The following EP400 variants were observed in gnomAD, a reference collection of about 807,000 sequenced individuals.
The protein encoded by EP400 is E1A-binding protein p400.
EP400 carries 105 observed loss-of-function variants against 354.1 expected under a neutral mutation model. The ratio of observed to expected loss-of-function variants is 0.30; its 90% CI spans 0.25 to 0.35. EP400 has a LOEUF of 0.35. Ranked by LOEUF, EP400 falls within the 10% of genes least tolerant of loss-of-function variation. EP400 has a pLI of 1.00. For missense variants in EP400, 3,280 were observed against 4,121.0 expected, an observed-to-expected ratio of 0.80 and a Z score of 5.59; for synonymous variants, 1,646 against 1,716.9, an observed-to-expected ratio of 0.96 and a Z score of 1.02.
rs1364995290 is a variant in EP400 at position 131,990,046 on chromosome 12, G to A, written c.2492G>A (p.Arg831Lys). 1.9e-6 allele frequency: 3 copies of A among 1,613,452 alleles called. No homozygotes were observed. The highest frequency in any genetic ancestry group is 8.5e-7 in the Non-Finnish European group (1 of 1,179,888). Residue 831 changes from arginine to lysine, a missense_variant, in exon 8 of 53, where the codon AGG becomes AAG. Around this residue, in one of 20 missense-constraint regions of EP400, gnomAD observed 800 missense variants for 840.0 expected, o/e 0.95. Transcript: ENST00000389561. The surrounding 1 kb of genome is among the most constrained non-coding windows in gnomAD (Gnocchi z 4.2). ...RGKKEEQSRLRRIAASTAREI... is the reference protein window; with the variant it reads ...RGKKEEQSRLKRIAASTAREI... The stretch of plus-strand genomic sequence containing the variant: ...AAGAAGGAAGAGCAGAGCAGACTGA[G>A]GCGGATAGCCGCCTCCACGGCCCGG...
intron 13 of EP400, among the ~76,000 whole-genome samples, chr12:132,005,900 A>G (rs895208266): frequency 1.3e-5 from 2 of 152,226 alleles, no homozygotes; most frequent in African/African-American, 4.8e-5. Flanking sequence ...AGGGCTTTCC[A>G]GAATGGTCCT....
At chr12:131,984,505 C>CA (rs1892788605) in intron 5 of EP400, among the ~76,000 whole-genome samples, 1 of 152,178 alleles carries the variant, frequency 6.6e-6, no homozygotes, top group Admixed American at 6.5e-5. Flanking sequence ...AGAAAGGCGA[C>CA]ACATGCCAGG....
rs1202187755 is a variant in EP400 at position 132,066,938 on chromosome 12, C to T, written c.8718C>T (p.Ser2906=). The change falls in exon 49 of 53, where the codon AGC becomes AGT. Residue 2906 remains serine, a synonymous_variant. Coordinates refer to ENST00000389561, the MANE Select transcript of EP400 (RefSeq NM_015409.5). ...TTLPMNVAGI[S]VAIGQPQKAA... is the part of the protein sequence containing the mutation. ...TGCCCATGAACGTCGCGGGGATCAG[C>T]GTGGCGATCGGTCAGCCACAGAAGG... 9 of 1,605,500 alleles carry T rather than the reference C, an allele frequency of 5.6e-6. No homozygotes were observed. Among genetic ancestry groups the T allele is most frequent in the East Asian group, 2.3e-5 (1 of 44,274 alleles).
chr12:132,046,409 G>A (rs1895098681), intron 39 of EP400, among the ~76,000 whole-genome samples: 1 of 152,306 alleles, frequency 6.6e-6, no homozygotes, highest in African/African-American at 2.4e-5. Context: ...TTGATAAGCT[G>A]TCTCGCTTTG....
Position 131,994,515 on chromosome 12 carries a change from C to T in EP400, c.2738-352C>T, listed in dbSNP as rs932984620. ...GTGTTAGGCTGATGTGGCTGGGCCTCGTGAGATGGGCGATGATGACTTCAC... is the reference window on the plus strand; with the variant it reads ...GTGTTAGGCTGATGTGGCTGGGCCTTGTGAGATGGGCGATGATGACTTCAC... On this transcript the variant is annotated intron_variant, in intron 11 of 52. Coordinates refer to ENST00000389561, the MANE Select transcript of EP400 (RefSeq NM_015409.5). The surrounding 1 kb of genome is among the most constrained non-coding windows in gnomAD (Gnocchi z 4.6). 1.3e-4 allele frequency among the ~76,000 whole-genome samples: 20 copies of T among 151,920 alleles called. No individual in the cohort carries two copies. The highest frequency in any genetic ancestry group is 4.6e-4 in the African/African-American group (19 of 41,358).
intron 15 of EP400, 56 bp from the exon 16 acceptor site, chr12:132,011,442 G>C: frequency 1.2e-6 from 2 of 1,602,224 alleles, no homozygotes; most frequent in Non-Finnish European, 1.7e-6. Context: ...CACAGTGCTA[G>C]GTGCCTGGAC....
At chr12:131,980,089 T>C (rs1041070333) in intron 3 of EP400, among the ~76,000 whole-genome samples, 1 of 152,188 alleles carries the variant, frequency 6.6e-6, no homozygotes, top group African/African-American at 2.4e-5. Context: ...CTTTCCAAAG[T>C]TGTCATATTT....
chr12:131,953,483 G>A (rs1029803470), intron 1 of EP400, among the ~76,000 whole-genome samples: 9 of 152,200 alleles, frequency 5.9e-5, no homozygotes, highest in African/African-American at 9.7e-5. Context: ...AAGGGACATT[G>A]GAGACATTGA....
chr12:132,004,312 A>C (rs1318244369), intron 12 of EP400, among the ~76,000 whole-genome samples: 1 of 152,210 alleles, frequency 6.6e-6, no homozygotes, highest in Non-Finnish European at 1.5e-5. Context: ...TAATGAAAAA[A>C]CATTTTATTG....
rs1467438174 is a variant in EP400 at position 132,070,709 on chromosome 12, C to G, written c.9021+1068C>G. The stretch of plus-strand genomic sequence containing the variant: ...CTTCAGATTCACCAATATGATGCAT[C>G]TTTTGTTACTTAAGTCTTTTTTAAT... On this transcript the variant is annotated intron_variant, in intron 51 of 52. Coordinates refer to ENST00000389561, the MANE Select transcript of EP400 (RefSeq NM_015409.5). The surrounding 1 kb of genome is among the most constrained non-coding windows in gnomAD (Gnocchi z 4.1). Among the ~76,000 whole-genome samples the G allele has an allele frequency of 6.6e-6, 1 of 152,172 alleles. No homozygotes were observed. The highest frequency in any genetic ancestry group is 1.5e-5 in the Non-Finnish European group (1 of 68,026).
At position 132,045,335 on chromosome 12, in the gene EP400, G is replaced by C; in HGVS notation, c.6801G>C (p.Lys2267Asn). ...TCTGTTCAGCTGCAGGCAGGAAGAA[G>C]AAGCAGCGTCACGGGGAGGCGGTCG... ...KTDPSAAGRK[K>N]KQRHGEAVVP... The change falls in exon 38 of 53, where the codon AAG (lysine) becomes AAC (asparagine). Residue 2267 changes from lysine (K) to asparagine (N), a missense_variant. Physicochemically the swap from Lys to Asn is moderately conservative, Grantham distance 94 (BLOSUM62 0). Transcript: ENST00000389561. 1 of 1,614,258 alleles carries C rather than the reference G, an allele frequency of 6.2e-7. No homozygotes were observed. The highest frequency in any genetic ancestry group is 8.5e-7 in the Non-Finnish European group (1 of 1,180,052).
chr12:131,989,820 T>C, intron 7 of EP400, 144 bp from the exon 8 acceptor site: 1 of 861,554 alleles, frequency 1.2e-6, no homozygotes, highest in Non-Finnish European at 1.7e-6. Context: ...TTTCTCCTAA[T>C]CCACCCTAAG....
rs962446724 is a variant in EP400, at chr12:132,006,127, C to T, written c.2951C>T (p.Pro984Leu). The T allele has an allele frequency of 3.7e-6, 6 of 1,613,918 alleles. No homozygotes were observed. The highest frequency in any genetic ancestry group is 3.4e-6 in the Non-Finnish European group (4 of 1,179,838). ...GTCGTTACAGATGCAGATGACTGTC[C>T]AGGCGACAGGGAGAGTCGCAAGGAC... ...TSGEEDADDC[P>L]GDRESRKDLV... The change falls in exon 14 of 53, where the codon CCA (proline) becomes CTA (leucine). Residue 984 changes from proline to leucine, a missense_variant. Around this residue, in one of 20 missense-constraint regions of EP400, gnomAD observed 800 missense variants for 840.0 expected, o/e 0.95. Transcript: ENST00000389561.
chr12:132,009,193 A>C (rs1380174488), intron 15 of EP400, among the ~76,000 whole-genome samples: 6 of 151,766 alleles, frequency 4.0e-5, no homozygotes. Flanking sequence ...TGGCTGCCCA[A>C]AGTGGTGGGA....
At chr12:132,022,660 C>CTT (rs60586768) in intron 23 of EP400, among the ~76,000 whole-genome samples, 123 of 145,454 alleles carry the variant, frequency 8.5e-4, no homozygotes, top group African/African-American at 2.9e-3. Context: ...CTAAGTTTTA[C>CTT]TTTTTTTTTT....
In EP400 at chr12:131,986,695, C is replaced by A. The variant is rs1356841350; in HGVS notation, c.2111C>A (p.Ser704Tyr). 1.2e-6 allele frequency: 2 copies of A among 1,614,230 alleles called. No homozygotes were observed. The highest frequency in any genetic ancestry group is 3.3e-5 in the Admixed American group (2 of 60,026). ...ATNKALSPVTSRTPGVVASAP... is the reference protein window; with the variant it reads ...ATNKALSPVTYRTPGVVASAP... ...AATAAGGCACTATCTCCAGTCACTTCCCGGACCCCAGGGGTGGTGGCATCT... is the reference window on the plus strand; with the variant it reads ...AATAAGGCACTATCTCCAGTCACTTACCGGACCCCAGGGGTGGTGGCATCT... The change falls in exon 6 of 53, where the codon TCC becomes TAC. Residue 704 changes from serine to tyrosine, a missense_variant. Transcript: ENST00000389561.
At chr12:132,049,770 G>A (rs1381084215) in intron 39 of EP400, among the ~76,000 whole-genome samples, 2 of 152,334 alleles carry the variant, frequency 1.3e-5, no homozygotes, top group African/African-American at 2.4e-5. Flanking sequence ...ATTCTAAGAT[G>A]TCTTGGGAGC....
At chr12:131,969,184 T>C (rs1048578772) in intron 2 of EP400, among the ~76,000 whole-genome samples, 2 of 152,188 alleles carry the variant, frequency 1.3e-5, no homozygotes, top group Non-Finnish European at 1.5e-5. Context: ...GTAATAAAAT[T>C]CCCTTTTACT....
intron 24 of EP400, among the ~76,000 whole-genome samples, chr12:132,024,622 C>G (rs1407402427): frequency 6.6e-6 from 1 of 152,178 alleles, no homozygotes; most frequent in Non-Finnish European, 1.5e-5. Flanking sequence ...GTGGTGGGAT[C>G]ATTTGCTCCC....
Sources: gnomAD v4.1 joint callset for allele counts (sites outside exome capture counted in the v4.1 genomes callset) on GRCh38, gnomAD v4.1.1 for gene constraint, gnomAD v4.1.1 regional missense constraint, Gnocchi (gnomAD v3.1) non-coding constraint, MANE v1.5 for transcripts, NCBI Gene and HGNC (gene_info 2026-07-23, HGNC 2026-07-21) for gene names.